SH2B3: variants seen among roughly 807,000 people sequenced by gnomAD.
SH2B3 encodes the protein SH2B adaptor protein 3.
A neutral mutation model predicts 51.9 loss-of-function variants in SH2B3; 43 were observed. That is an observed-to-expected ratio of 0.83 (90% CI 0.65 to 1.07). The LOEUF (loss-of-function observed/expected upper bound fraction) is 1.07. SH2B3 is among the 50% of genes least tolerant of loss of function. SH2B3 has a pLI of 0.00. For synonymous variants in SH2B3, 396 were observed against 376.0 expected (o/e 1.05, Z -0.62); for missense variants, 952 against 834.3 (o/e 1.14, Z -1.74).
intron 2 of SH2B3, among the ~76,000 whole-genome samples, chr12:111,428,901 G>C (rs1248160200): frequency 6.6e-6 from 1 of 151,982 alleles, no homozygotes; most frequent in African/African-American, 2.4e-5. Context: ...TCTGGGCCCA[G>C]AGCCTGGGCG....
chr12:111,423,650 G>A (rs891879313), intron 2 of SH2B3, among the ~76,000 whole-genome samples: 2 of 152,176 alleles, frequency 1.3e-5, no homozygotes, highest in Non-Finnish European at 1.5e-5. Flanking sequence ...GATTACAGGC[G>A]TGAGCCACTG....
At chr12:111,442,090 C>T (rs1873469753) in intron 2 of SH2B3, among the ~76,000 whole-genome samples, 1 of 152,176 alleles carries the variant, frequency 6.6e-6, no homozygotes, top group African/African-American at 2.4e-5. Flanking sequence ...AGACAGTAAG[C>T]TTGGATTAAG....
In SH2B3 at chr12:111,424,572, C is replaced by T. The variant is rs115970860; in HGVS notation, c.732+5695C>T. Among the ~76,000 whole-genome samples the T allele has an allele frequency of 6.0e-3, 909 of 152,208 alleles. 6 individuals are homozygous for T. Among genetic ancestry groups the T allele is most frequent in the African/African-American group, 0.021 (875 of 41,522 alleles). On this transcript the variant is annotated intron_variant, in intron 2 of 7. Transcript: ENST00000341259. ...ACCAGGGAGGTCCCAGAGGGCTTTG[C>T]CGTAGCCCTGGCTGGCTGGGGCTCT...
intron 2 of SH2B3, among the ~76,000 whole-genome samples, chr12:111,434,465 T>G (rs948010293): frequency 1.3e-5 from 2 of 152,234 alleles, no homozygotes; most frequent in Admixed American, 6.5e-5. Flanking sequence ...GCCTTTTTCT[T>G]GATTTGTGAA....
chr12:111,447,057 T>C, intron 4 of SH2B3, 24 bp downstream of exon 4: 1 of 1,609,132 alleles, frequency 6.2e-7, no homozygotes, highest in Non-Finnish European at 8.5e-7. Context: ...CCCTCGTCCC[T>C]GGCACCACCT....
chr12:111,441,752 T>C (rs1873429432), intron 2 of SH2B3, among the ~76,000 whole-genome samples: 1 of 152,186 alleles, frequency 6.6e-6, no homozygotes. Flanking sequence ...TTAATGGAGC[T>C]AAGCAGCAGC....
upstream of SH2B3, among the ~76,000 whole-genome samples, chr12:111,405,126 T>C (rs1870156691): frequency 6.6e-6 from 1 of 151,932 alleles, no homozygotes; most frequent in Admixed American, 6.5e-5. This position sits in a 1 kb window ranked among gnomAD's most constrained non-coding sequence, Gnocchi z 5.4. Context: ...GGAGAAAATG[T>C]AAGTAGCCCG....
chr12:111,448,372 T>C lies in SH2B3; in HGVS notation c.*70T>C, dbSNP rs1471039677. On this transcript the variant is annotated 3_prime_UTR_variant, in exon 8 of 8. Coordinates refer to ENST00000341259, the MANE Select transcript of SH2B3 (RefSeq NM_005475.3). ...AGGCAGAAGTGTGAACTTGTGAATG[T>C]AATTGATCTTTCCTTCCTTCCAGAG... 8.9e-7 allele frequency: 1 copy of C among 1,122,916 alleles called. No individual in the cohort carries two copies. Among genetic ancestry groups the C allele is most frequent in the Non-Finnish European group, 1.3e-6 (1 of 781,932 alleles). The allele number at this position is 1,122,916 out of a possible 1,614,324, so 69.6% of individuals were successfully genotyped here. A position where few individuals can be genotyped will look rare whatever the true frequency, so the allele number is the denominator to read the frequency against.
chr12:111,418,301 T>TCCGC lies in SH2B3; in HGVS notation c.157_160dup (p.Gln54ProfsTer70). 6.5e-7 allele frequency: 1 copy of TCCGC among 1,533,264 alleles called. No individual in the cohort carries two copies. Among genetic ancestry groups the TCCGC allele is most frequent in the Non-Finnish European group, 8.7e-7 (1 of 1,146,206 alleles). 95.0% of individuals were successfully genotyped at this position (1,533,264 alleles called of 1,614,324 possible). The stretch of plus-strand genomic sequence containing the variant: ...AGTACTGGCTGTTCGCCCGGGAGCA[T>TCCGC]CCGCAGCACGCGCCGCTGCGCGCCG... On this transcript the variant is annotated frameshift_variant, in exon 2 of 8. Transcript: ENST00000341259. LOFTEE classifies it high-confidence loss of function. This position sits in a 1 kb window ranked among gnomAD's most constrained non-coding sequence, Gnocchi z 6.7.
At chr12:111,412,472 C>T (rs935814171) in intron 1 of SH2B3, among the ~76,000 whole-genome samples, 2 of 152,312 alleles carry the variant, frequency 1.3e-5, no homozygotes, top group African/African-American at 2.4e-5. Context: ...CCATGGCGGG[C>T]GAGCCTGACT....
At chr12:111,413,543 G>GT (rs1336251882) in intron 1 of SH2B3, among the ~76,000 whole-genome samples, 5 of 152,378 alleles carry the variant, frequency 3.3e-5, no homozygotes, top group African/African-American at 1.2e-4. Context: ...GGGCGCAGCT[G>GT]TTTTGAGGAA....
intron 2 of SH2B3, chr12:111,434,906 G>T: frequency 6.5e-7 from 1 of 1,535,672 alleles, no homozygotes; most frequent in Non-Finnish European, 8.7e-7. Flanking sequence ...AAGGACATGG[G>T]ATTCCCGGTG....
At chr12:111,431,501 A>AG (rs200386698) in intron 2 of SH2B3, among the ~76,000 whole-genome samples, 1 of 151,856 alleles carries the variant, frequency 6.6e-6, no homozygotes, top group Non-Finnish European at 1.5e-5. Context: ...AAAAAAAAAA[A>AG]CAGTAACAGA....
At chr12:111,433,104 C>T (rs1872609911) in intron 2 of SH2B3, among the ~76,000 whole-genome samples, 1 of 152,196 alleles carries the variant, frequency 6.6e-6, no homozygotes, top group African/African-American at 2.4e-5. Context: ...GTAATCCCAG[C>T]ACTTTGGGGG....
At position 111,429,642 on chromosome 12, in the gene SH2B3, T is replaced by G. The variant is rs1275298812; in HGVS notation, c.732+10765T>G. The stretch of plus-strand genomic sequence containing the variant: ...AGCTACCGCGCCCGGCCCATTTTTA[T>G]TAATTGGTTTTCATGTGACAGGCAC... On this transcript the variant is annotated intron_variant, in intron 2 of 7. Coordinates refer to ENST00000341259, the MANE Select transcript of SH2B3 (RefSeq NM_005475.3). The surrounding 1 kb of genome is among the most constrained non-coding windows in gnomAD (Gnocchi z 4.4). Among the ~76,000 whole-genome samples, 1 of 152,200 alleles carries G rather than the reference T, an allele frequency of 6.6e-6. No homozygotes were observed. The highest frequency in any genetic ancestry group is 1.5e-5 in the Non-Finnish European group (1 of 68,018).
chr12:111,423,731 C>T (rs1871754741), intron 2 of SH2B3, among the ~76,000 whole-genome samples: 1 of 152,066 alleles, frequency 6.6e-6, no homozygotes, highest in South Asian at 2.1e-4. Context: ...GCCAGTAATC[C>T]CAGCACTTAG....
At chr12:111,447,849 C>T in intron 7 of SH2B3, 22 bp downstream of exon 7, 1 of 1,607,410 alleles carries the variant, frequency 6.2e-7, no homozygotes, top group Non-Finnish European at 8.5e-7. Context: ...CTGCCCTTTG[C>T]TGAAGGGGGT....
intron 2 of SH2B3, among the ~76,000 whole-genome samples, chr12:111,440,138 C>T (rs1873268561): frequency 6.6e-6 from 1 of 152,216 alleles, no homozygotes; most frequent in Non-Finnish European, 1.5e-5. Context: ...ATGCAGATTC[C>T]AAACTCCCTT....
At chr12:111,432,266 G>A (rs891178025) in intron 2 of SH2B3, among the ~76,000 whole-genome samples, 28 of 152,060 alleles carry the variant, frequency 1.8e-4, no homozygotes, top group African/African-American at 6.5e-4. Context: ...TGGCCAGGCT[G>A]GTCTCGAACT....
Sources: gnomAD v4.1 joint callset for allele counts (sites outside exome capture counted in the v4.1 genomes callset) on GRCh38, gnomAD v4.1.1 for gene constraint, Gnocchi (gnomAD v3.1) non-coding constraint, MANE v1.5 for transcripts, NCBI Gene and HGNC (gene_info 2026-07-23, HGNC 2026-07-21) for gene names.